Variants in TRMT11 observed in about 807,000 individuals in gnomAD.
TRMT11 encodes tRNA (guanine(10)-N(2))-methyltransferase TRMT11.
A neutral mutation model predicts 62.8 loss-of-function variants in TRMT11; 53 were observed. The observed-to-expected ratio is 0.84, with a 90% CI of 0.68 to 1.06. The LOEUF is 1.06. Ranked by LOEUF, TRMT11 falls within the 50% of genes least tolerant of loss-of-function variation. The pLI, the probability that TRMT11 is intolerant of heterozygous loss-of-function variation, is 0.00. For synonymous variants in TRMT11, 188 were observed against 190.3 expected (o/e 0.99, Z 0.10); for missense variants, 556 against 553.4 (o/e 1.00, Z -0.05).
At chr6:126,230,785 A>G in the TRMT11 span, among the ~76,000 whole-genome samples, 1 of 152,094 alleles carries the variant, frequency 6.6e-6, no homozygotes, top group Non-Finnish European at 1.5e-5. Flanking sequence ...AAATGTTATA[A>G]ATGTTTCTGA....
At chr6:126,163,997 A>G (rs1778229557) in intron 21 of TRMT11, among the ~76,000 whole-genome samples, 1 of 151,746 alleles carries the variant, frequency 6.6e-6, no homozygotes, top group Non-Finnish European at 1.5e-5. Context: ...GATATTAGTT[A>G]TTTCTTGTCT....
intron 21 of TRMT11, among the ~76,000 whole-genome samples, chr6:126,127,873 G>A (rs1390002357): frequency 6.6e-6 from 1 of 152,026 alleles, no homozygotes; most frequent in Non-Finnish European, 1.5e-5. Flanking sequence ...TTGTAGAAGG[G>A]ATTGACTCAT....
chr6:126,135,953 C>T (rs553182853), intron 21 of TRMT11, among the ~76,000 whole-genome samples: 1 of 151,878 alleles, frequency 6.6e-6, no homozygotes, highest in South Asian at 2.1e-4. Flanking sequence ...ATGATAAAAA[C>T]CTTCAACAAA....
intron 21 of TRMT11, among the ~76,000 whole-genome samples, chr6:126,131,400 C>G (rs1267487371): frequency 6.6e-6 from 1 of 151,960 alleles, no homozygotes; most frequent in Non-Finnish European, 1.5e-5. Flanking sequence ...GTGTTTGCTC[C>G]CCAAAGAGAG....
intron 1 of TRMT11, among the ~76,000 whole-genome samples, chr6:126,189,672 T>C (rs1778572182): frequency 6.6e-6 from 1 of 152,120 alleles, no homozygotes; most frequent in Non-Finnish European, 1.5e-5. Flanking sequence ...ATTAGTTCTT[T>C]GGGTTTTATT....
intron 11 of TRMT11, among the ~76,000 whole-genome samples, chr6:126,013,956 A>G (rs1583715024): frequency 6.6e-6 from 1 of 152,302 alleles, no homozygotes; most frequent in East Asian, 1.9e-4. Flanking sequence ...TTTAATATAT[A>G]TTGGCTATTA....
intron 17 of TRMT11, among the ~76,000 whole-genome samples, chr6:126,057,815 A>G (rs1562309737): frequency 1.3e-5 from 2 of 152,110 alleles, no homozygotes; most frequent in Non-Finnish European, 2.9e-5. Flanking sequence ...CTAGGTCAAG[A>G]CCTAATGGCC....
intron 21 of TRMT11, among the ~76,000 whole-genome samples, chr6:126,140,889 G>A (rs531558155): frequency 1.3e-5 from 2 of 152,068 alleles, no homozygotes; most frequent in Non-Finnish European, 2.9e-5. Context: ...TGACACCTTC[G>A]ATTCCAGAAT....
At chr6:126,245,696 T>G in the TRMT11 span, among the ~76,000 whole-genome samples, 210 of 152,358 alleles carry the variant, frequency 1.4e-3, 1 homozygote, top group African/African-American at 4.8e-3. Context: ...CAGTGCTGTA[T>G]TATAACTGGA....
At chr6:126,271,808 G>A in the TRMT11 span, among the ~76,000 whole-genome samples, 151 of 152,204 alleles carry the variant, frequency 9.9e-4, 2 homozygotes, top group Middle Eastern at 0.01. Flanking sequence ...GTAGAAGGTC[G>A]ATATCAGAGT....
At chr6:126,268,318 T>C in the TRMT11 span, among the ~76,000 whole-genome samples, 2 of 152,156 alleles carry the variant, frequency 1.3e-5, no homozygotes, top group Non-Finnish European at 2.9e-5. Flanking sequence ...AGTGACATTC[T>C]GATCACTGCA....
intron 21 of TRMT11, among the ~76,000 whole-genome samples, chr6:126,167,253 G>A (rs993433275): frequency 5.9e-5 from 9 of 152,204 alleles, no homozygotes; most frequent in African/African-American, 1.9e-4. Flanking sequence ...GTAGGCACCC[G>A]AGGGAATCTC....
intron 21 of TRMT11, among the ~76,000 whole-genome samples, chr6:126,148,934 T>A (rs1778005623): frequency 6.6e-6 from 1 of 152,224 alleles, no homozygotes; most frequent in Admixed American, 6.5e-5. Flanking sequence ...ATGAGGATAA[T>A]ATTAATATTA....
chr6:126,006,480 A>G (rs1281873580), intron 7 of TRMT11, among the ~76,000 whole-genome samples: 2 of 152,024 alleles, frequency 1.3e-5, no homozygotes, highest in Non-Finnish European at 2.9e-5. Context: ...CTATTTAAGT[A>G]ATGAGAAATT....
chr6:126,110,752 G>C (rs1206558636), intron 17 of TRMT11, among the ~76,000 whole-genome samples: 1 of 152,064 alleles, frequency 6.6e-6, no homozygotes, highest in Admixed American at 6.6e-5. Context: ...TAGAGTTCAT[G>C]CAACTAGGAA....
At chr6:126,118,575 C>T (rs1777615276) in intron 21 of TRMT11, among the ~76,000 whole-genome samples, 1 of 151,978 alleles carries the variant, frequency 6.6e-6, no homozygotes, top group Non-Finnish European at 1.5e-5. Context: ...GCATTGATTC[C>T]TAGGGAGATG....
At chr6:126,157,549 G>A (rs892753609) in intron 21 of TRMT11, among the ~76,000 whole-genome samples, 2 of 152,150 alleles carry the variant, frequency 1.3e-5, no homozygotes, top group Admixed American at 1.3e-4. Flanking sequence ...GAACCCCGCT[G>A]GATTAAGAGG....
intron 21 of TRMT11, among the ~76,000 whole-genome samples, chr6:126,123,307 G>A (rs938439273): frequency 6.6e-6 from 1 of 152,046 alleles, no homozygotes; most frequent in African/African-American, 2.4e-5. Context: ...CATCTTTTGG[G>A]GGCAGGAAGG....
chr6:126,046,950 A>G (rs947229635), intron 16 of TRMT11, among the ~76,000 whole-genome samples: 8 of 152,158 alleles, frequency 5.3e-5, no homozygotes, highest in Non-Finnish European at 7.3e-5. Flanking sequence ...CAGAAACCTA[A>G]TGATACCTTT....
Sources: allele counts gnomAD v4.1 joint callset (sites outside exome capture counted in the v4.1 genomes callset), GRCh38; gene constraint gnomAD v4.1.1; transcripts MANE v1.5; gene names NCBI Gene and HGNC (gene_info 2026-07-23, HGNC 2026-07-21).